PTPRT: variants seen among roughly 807,000 people sequenced by gnomAD.
PTPRT encodes protein tyrosine phosphatase receptor type T.
In PTPRT, 56 loss-of-function variants were observed where a neutral mutation model predicts 176.8. The observed-to-expected ratio is 0.32, with a 90% CI of 0.26 to 0.40. The LOEUF is 0.40. Ranked by LOEUF, PTPRT falls within the 10% of genes least tolerant of loss-of-function variation. The pLI is 1.00. For missense variants in PTPRT, 1,540 were observed against 1,908.2 expected, an observed-to-expected ratio of 0.81 and a Z score of 3.60; for synonymous variants, 783 against 739.0, an observed-to-expected ratio of 1.06 and a Z score of -0.96.
intron 9 of PTPRT, among the ~76,000 whole-genome samples, chr20:42,353,837 C>G (rs938662664): frequency 6.6e-6 from 1 of 152,110 alleles, no homozygotes; most frequent in Admixed American, 6.5e-5. Context: ...TTGCTAGAAC[C>G]AGGAGTTTGA....
intron 7 of PTPRT, among the ~76,000 whole-genome samples, chr20:42,482,544 C>A (rs1220448580): frequency 1.3e-5 from 2 of 152,192 alleles, no homozygotes; most frequent in Non-Finnish European, 2.9e-5. Context: ...CAAAAACCCT[C>A]TGTGCCCTTA....
intron 7 of PTPRT, among the ~76,000 whole-genome samples, chr20:42,515,627 T>C (rs2072048875): frequency 6.6e-6 from 1 of 152,198 alleles, no homozygotes; most frequent in Non-Finnish European, 1.5e-5. Flanking sequence ...AGCTTTTTAT[T>C]GAAGTACAAT....
intron 1 of PTPRT, among the ~76,000 whole-genome samples, chr20:43,178,078 G>A (rs1040638517): frequency 1.1e-4 from 17 of 152,190 alleles, no homozygotes; most frequent in African/African-American, 3.9e-4. Flanking sequence ...GGATTTGGTT[G>A]GGTGTTTGCG....
At chr20:42,713,708 C>A (rs1412618103) in intron 6 of PTPRT, among the ~76,000 whole-genome samples, 2 of 152,114 alleles carry the variant, frequency 1.3e-5, no homozygotes, top group Non-Finnish European at 2.9e-5. Flanking sequence ...TGGGAGGTGA[C>A]TGGATCATGG....
intron 7 of PTPRT, among the ~76,000 whole-genome samples, chr20:42,572,343 A>G (rs1039617175): frequency 1.3e-5 from 2 of 152,080 alleles, no homozygotes; most frequent in Non-Finnish European, 2.9e-5. Context: ...TACTCTTTGC[A>G]TAAAGAAAAC....
At chr20:42,481,877 A>C (rs1208545696) in intron 7 of PTPRT, among the ~76,000 whole-genome samples, 3 of 151,982 alleles carry the variant, frequency 2.0e-5, no homozygotes, top group Non-Finnish European at 4.4e-5. Context: ...GTGTACTTAG[A>C]GTTTTCTCTG....
intron 2 of PTPRT, among the ~76,000 whole-genome samples, chr20:42,836,308 C>A (rs2078180015): frequency 6.6e-6 from 1 of 152,160 alleles, no homozygotes; most frequent in Non-Finnish European, 1.5e-5. Flanking sequence ...CAACTGCCCA[C>A]CTCCCAAGAG....
At chr20:42,490,097 T>G (rs899714426) in intron 7 of PTPRT, among the ~76,000 whole-genome samples, 1 of 152,204 alleles carries the variant, frequency 6.6e-6, no homozygotes, top group Non-Finnish European at 1.5e-5. Context: ...GTTCTATTGA[T>G]CCACTGCCTA....
At chr20:42,621,593 C>T (rs577437614) in intron 7 of PTPRT, among the ~76,000 whole-genome samples, 2 of 152,300 alleles carry the variant, frequency 1.3e-5, no homozygotes, top group East Asian at 3.9e-4. Flanking sequence ...AATTCCTTGG[C>T]TTCTGAGTGA....
At chr20:42,037,381 A>G in the PTPRT span, among the ~76,000 whole-genome samples, 2 of 152,184 alleles carry the variant, frequency 1.3e-5, no homozygotes, top group Non-Finnish European at 2.9e-5. Flanking sequence ...CAGAGCCAAC[A>G]CTGTAGGGAG....
At chr20:42,114,600 G>T (rs1987177381) in intron 22 of PTPRT, among the ~76,000 whole-genome samples, 1 of 152,118 alleles carries the variant, frequency 6.6e-6, no homozygotes, top group South Asian at 2.1e-4. Context: ...AGGCTGTCCT[G>T]TGCATTGTGG....
intron 1 of PTPRT, among the ~76,000 whole-genome samples, chr20:42,968,405 G>A (rs934863060): frequency 1.3e-5 from 2 of 152,192 alleles, no homozygotes; most frequent in Non-Finnish European, 2.9e-5. Context: ...AGTGGAGAGA[G>A]AGATGGATAG....
chr20:42,934,251 A>G (rs536813641), intron 1 of PTPRT, among the ~76,000 whole-genome samples: 1 of 152,334 alleles, frequency 6.6e-6, no homozygotes, highest in South Asian at 2.1e-4. Flanking sequence ...AAAGAGAAAG[A>G]GAAGGAATAT....
At chr20:42,178,603 T>C (rs1990389666) in intron 16 of PTPRT, among the ~76,000 whole-genome samples, 2 of 152,196 alleles carry the variant, frequency 1.3e-5, no homozygotes, top group African/African-American at 4.8e-5. Flanking sequence ...AACAAACATA[T>C]ACGATCTCAG....
intron 14 of PTPRT, among the ~76,000 whole-genome samples, chr20:42,241,077 T>C (rs545994513): frequency 2.0e-5 from 3 of 152,310 alleles, no homozygotes; most frequent in Admixed American, 6.5e-5. Context: ...CACATTTATA[T>C]AGTTGTTAAG....
chr20:42,907,801 A>C (rs1168620981), intron 1 of PTPRT, among the ~76,000 whole-genome samples: 2 of 150,476 alleles, frequency 1.3e-5, no homozygotes, highest in Non-Finnish European at 2.9e-5. Flanking sequence ...CATCCAGGAG[A>C]GCCCCATAAC....
intron 6 of PTPRT, among the ~76,000 whole-genome samples, chr20:42,678,889 C>T (rs974314383): frequency 3.3e-5 from 5 of 152,150 alleles, no homozygotes; most frequent in African/African-American, 7.2e-5. Context: ...ACATAGAACA[C>T]ACAGATTGTT....
intron 7 of PTPRT, among the ~76,000 whole-genome samples, chr20:42,622,219 A>C (rs544850505): frequency 5.9e-5 from 9 of 151,942 alleles, no homozygotes; most frequent in African/African-American, 1.5e-4. Flanking sequence ...TTTGGAGTAC[A>C]TGTAGCTTTT....
At chr20:42,993,555 C>T (rs143594295) in intron 1 of PTPRT, among the ~76,000 whole-genome samples, 4 of 84,436 alleles carry the variant, frequency 4.7e-5, no homozygotes, top group Admixed American at 1.1e-4. Context: ...TATATATACA[C>T]ATATATGTGT....
Sources: gnomAD v4.1 joint callset for allele counts (sites outside exome capture counted in the v4.1 genomes callset) on GRCh38, gnomAD v4.1.1 for gene constraint, MANE v1.5 for transcripts, NCBI Gene and HGNC (gene_info 2026-07-23, HGNC 2026-07-21) for gene names.